The following ANKS1B variants were observed in gnomAD, a reference collection of about 807,000 sequenced individuals.
ANKS1B encodes the protein ankyrin repeat and sterile alpha motif domain-containing protein 1B.
In ANKS1B, 36 loss-of-function variants were observed where a neutral mutation model predicts 148.3. That is an observed-to-expected ratio of 0.24 (90% CI 0.19 to 0.32). ANKS1B has a LOEUF of 0.32. ANKS1B is among the 10% of genes least tolerant of loss of function. The probability of loss-of-function intolerance (pLI) is 1.00; values close to 1 mark genes in which losing one functional copy is unlikely to be tolerated. For missense variants in ANKS1B, 1,157 were observed against 1,542.6 expected (o/e 0.75, Z 4.19); for synonymous variants, 542 against 560.8 (o/e 0.97, Z 0.47).
intron 10 of ANKS1B, among the ~76,000 whole-genome samples, chr12:99,484,110 C>A (rs2096454654): frequency 6.6e-6 from 1 of 151,846 alleles, no homozygotes; most frequent in Non-Finnish European, 1.5e-5. Context: ...TTGTGCCCTT[C>A]CAGTTTTTGA....
chr12:99,188,141 C>A (rs1215635351), intron 14 of ANKS1B, among the ~76,000 whole-genome samples: 1 of 152,136 alleles, frequency 6.6e-6, no homozygotes, highest in Non-Finnish European at 1.5e-5. Flanking sequence ...ACAAAAAGAG[C>A]TAACTATTCT....
intron 17 of ANKS1B, among the ~76,000 whole-genome samples, chr12:98,936,298 A>C (rs887459998): frequency 2.6e-5 from 4 of 152,210 alleles, no homozygotes; most frequent in Non-Finnish European, 4.4e-5. Context: ...CTCCAAAGCC[A>C]ATGCTGTCTC....
chr12:99,449,433 A>T (rs779908985), intron 10 of ANKS1B, among the ~76,000 whole-genome samples: 3 of 152,250 alleles, frequency 2.0e-5, no homozygotes, highest in Non-Finnish European at 4.4e-5. Context: ...CTAATACCAG[A>T]TGCTGAAGTC....
At chr12:99,948,491 T>C (rs2095131166) in intron 1 of ANKS1B, among the ~76,000 whole-genome samples, 1 of 152,206 alleles carries the variant, frequency 6.6e-6, no homozygotes. Flanking sequence ...TATTCTAGGC[T>C]CTTTGAAAAA....
At chr12:99,460,573 A>G (rs2095939031) in intron 10 of ANKS1B, among the ~76,000 whole-genome samples, 1 of 152,156 alleles carries the variant, frequency 6.6e-6, no homozygotes, top group Non-Finnish European at 1.5e-5. Flanking sequence ...AGTCTCATCA[A>G]AAATTGAGTT....
At chr12:99,659,308 T>C (rs1191520497) in intron 8 of ANKS1B, among the ~76,000 whole-genome samples, 1 of 152,180 alleles carries the variant, frequency 6.6e-6, no homozygotes, top group Non-Finnish European at 1.5e-5. Context: ...ACACTTAACC[T>C]CAGATGGTTT....
intron 3 of ANKS1B, among the ~76,000 whole-genome samples, chr12:99,807,546 C>T (rs1771522136): frequency 1.3e-5 from 2 of 152,068 alleles, no homozygotes; most frequent in Non-Finnish European, 2.9e-5. Flanking sequence ...AACAAAAATG[C>T]AATAACCGTA....
intron 12 of ANKS1B, among the ~76,000 whole-genome samples, chr12:99,261,535 T>G (rs2153982530): frequency 6.6e-6 from 1 of 152,266 alleles, no homozygotes; most frequent in South Asian, 2.1e-4. Flanking sequence ...TCAACCTGAC[T>G]TCTCCCCCAC....
chr12:98,950,645 A>G (rs1186980143), intron 17 of ANKS1B, among the ~76,000 whole-genome samples: 4 of 152,130 alleles, frequency 2.6e-5, no homozygotes. Context: ...GCCCCCCAAA[A>G]GTCTGATTTT....
intron 10 of ANKS1B, among the ~76,000 whole-genome samples, chr12:99,476,758 G>A (rs539412584): frequency 2.6e-5 from 4 of 152,206 alleles, no homozygotes; most frequent in African/African-American, 7.2e-5. Flanking sequence ...ACTTAAAACC[G>A]CAAATGTTTA....
intron 1 of ANKS1B, among the ~76,000 whole-genome samples, chr12:99,893,625 T>A (rs11110093): frequency 0.17 from 26,088 of 152,152 alleles, 2,803 homozygotes; most frequent in Non-Finnish European, 0.24. Flanking sequence ...AAATCTAATA[T>A]ATTTTTGGCT....
At chr12:99,450,808 G>T (rs916261029) in intron 10 of ANKS1B, among the ~76,000 whole-genome samples, 10 of 152,122 alleles carry the variant, frequency 6.6e-5, no homozygotes, top group African/African-American at 2.2e-4. Flanking sequence ...TGTGTCAATG[G>T]AAACCAACAC....
intron 1 of ANKS1B, among the ~76,000 whole-genome samples, chr12:99,913,433 C>T (rs1026328328): frequency 1.3e-5 from 2 of 152,028 alleles, no homozygotes; most frequent in Non-Finnish European, 2.9e-5. Flanking sequence ...CCATTTGCAC[C>T]TCATGTAAGG....
At chr12:99,409,614 C>G (rs2152661015) in intron 11 of ANKS1B, among the ~76,000 whole-genome samples, 1 of 151,806 alleles carries the variant, frequency 6.6e-6, no homozygotes, top group East Asian at 1.9e-4. Context: ...ATCTCATATA[C>G]TCTACAAATA....
At chr12:99,701,059 A>C (rs1480395247) in intron 8 of ANKS1B, among the ~76,000 whole-genome samples, 1 of 152,174 alleles carries the variant, frequency 6.6e-6, no homozygotes, top group Non-Finnish European at 1.5e-5. Flanking sequence ...GAAACAACAC[A>C]TTATAGTTTA....
intron 1 of ANKS1B, among the ~76,000 whole-genome samples, chr12:99,919,717 C>G (rs532673729): frequency 6.7e-6 from 1 of 149,060 alleles, no homozygotes; most frequent in Non-Finnish European, 1.5e-5. Context: ...TAGCCTCTAG[C>G]CACAGGTGGC....
intron 12 of ANKS1B, among the ~76,000 whole-genome samples, chr12:99,349,234 T>C (rs539016549): frequency 6.6e-6 from 1 of 151,996 alleles, no homozygotes; most frequent in South Asian, 2.1e-4. Flanking sequence ...GAAATTAAAT[T>C]AATAACAAAA....
rs1395936701 is a variant in ANKS1B at position 99,406,868 on chromosome 12, G to C, written c.1576-7057C>G. 6.9e-5 allele frequency among the ~76,000 whole-genome samples: 10 copies of C among 145,550 alleles called. 2 individuals are homozygous for C. On this transcript the variant is annotated intron_variant, in intron 11 of 26. Transcript: ENST00000683438. ...CACAGAAATTCAAAGGATCATTAGA[G>C]GCTCCTAGGAGCAAGCAGTAGTCTC... is the stretch of plus-strand genomic sequence containing the variant.
chr12:99,154,358 C>T lies in ANKS1B; in HGVS notation c.2457G>A (p.Leu819=), dbSNP rs2075691857. Residue 819 remains leucine (L), a synonymous_variant, in exon 15 of 27, where the codon TTG becomes TTA. Coordinates refer to ENST00000683438, the MANE Select transcript of ANKS1B (RefSeq NM_001352186.2). ...CGTACTGAGGTAGCCCAATGCTTTCCAACCATTGTCCCACTGTTTGGACAG... is the reference window on the plus strand; with the variant it reads ...CGTACTGAGGTAGCCCAATGCTTTCTAACCATTGTCCCACTGTTTGGACAG... The part of the protein sequence containing the change: ...RCPVQTVGQW[L]ESIGLPQYEN... 6.2e-7 allele frequency: 1 copy of T among 1,613,630 alleles called. No individual in the cohort carries two copies. Among genetic ancestry groups the T allele is most frequent in the South Asian group, 1.1e-5 (1 of 91,090 alleles).
Sources: gnomAD v4.1 joint callset for allele counts (sites outside exome capture counted in the v4.1 genomes callset) on GRCh38, gnomAD v4.1.1 for gene constraint, MANE v1.5 for transcripts, NCBI Gene and HGNC (gene_info 2026-07-23, HGNC 2026-07-21) for gene names.